The following DCC variants were observed in gnomAD, a reference collection of about 807,000 sequenced individuals.
DCC encodes the protein netrin receptor DCC.
Under a neutral mutation model 172.5 loss-of-function variants are expected in DCC, and 58 were observed. That is an observed-to-expected ratio of 0.34 (90% CI 0.27 to 0.42). DCC has a LOEUF of 0.42. DCC is among the 10% of genes least tolerant of loss of function. The pLI, the probability that DCC is intolerant of heterozygous loss-of-function variation, is 1.00. For synonymous variants in DCC, 709 were observed against 644.5 expected (o/e 1.10, Z -1.52); for missense variants, 1,740 against 1,791.0 (o/e 0.97, Z 0.51).
At chr18:52,974,561 G>A (rs796273404) in intron 5 of DCC, among the ~76,000 whole-genome samples, 1 of 152,178 alleles carries the variant, frequency 6.6e-6, no homozygotes, top group African/African-American at 2.4e-5. Flanking sequence ...TGCTTGAAAA[G>A]CCACAGGGTG....
chr18:53,479,117 C>G (rs1032454090), intron 25 of DCC, among the ~76,000 whole-genome samples: 6 of 152,058 alleles, frequency 3.9e-5, no homozygotes, highest in Admixed American at 3.3e-4. Flanking sequence ...AACAGCACAC[C>G]CATTTTCAAC....
chr18:52,995,027 C>A (rs1381790960), intron 5 of DCC, among the ~76,000 whole-genome samples: 1 of 152,076 alleles, frequency 6.6e-6, no homozygotes, highest in Non-Finnish European at 1.5e-5. Flanking sequence ...TATTAAACTC[C>A]TCTATGCAAA....
At chr18:53,215,728 C>G in intron 12 of DCC, 131 bp downstream of exon 12, 1 of 770,798 alleles carries the variant, frequency 1.3e-6, no homozygotes, top group East Asian at 2.5e-5. Context: ...TGGAACAACA[C>G]AGCAAGTGAC....
At chr18:52,703,789 A>G (rs2036164419) in intron 1 of DCC, among the ~76,000 whole-genome samples, 1 of 109,400 alleles carries the variant, frequency 9.1e-6, no homozygotes, top group African/African-American at 2.7e-5. Context: ...TAAAGGAAAC[A>G]AAGTTAAATG....
At chr18:53,526,577 G>A (rs766950475) in intron 27 of DCC, 40 bp from the exon 28 acceptor site, 3 of 1,607,524 alleles carry the variant, frequency 1.9e-6, no homozygotes, top group East Asian at 2.2e-5. Flanking sequence ...TCTGCAGAAT[G>A]TTTTCTACAT....
At chr18:52,380,851 G>C (rs928437911) in intron 1 of DCC, among the ~76,000 whole-genome samples, 2 of 152,182 alleles carry the variant, frequency 1.3e-5, no homozygotes, top group Admixed American at 6.5e-5. Context: ...TTGTAGCATG[G>C]GGACTCTGCA....
intron 21 of DCC, among the ~76,000 whole-genome samples, chr18:53,432,302 C>T (rs1320301796): frequency 6.6e-6 from 1 of 152,062 alleles, no homozygotes; most frequent in African/African-American, 2.4e-5. Context: ...TTACAATGAA[C>T]CAACTCTCCC....
chr18:53,313,409 C>T (rs900471928), intron 13 of DCC, among the ~76,000 whole-genome samples: 1 of 151,962 alleles, frequency 6.6e-6, no homozygotes, highest in African/African-American at 2.4e-5. Flanking sequence ...CCACGTCAGG[C>T]TAATTTTTGT....
chr18:52,522,121 G>T (rs1306412866), intron 1 of DCC, among the ~76,000 whole-genome samples: 2 of 152,156 alleles, frequency 1.3e-5, no homozygotes, highest in African/African-American at 4.8e-5. Context: ...GGCAATAATA[G>T]ATTAAGACAT....
At chr18:52,654,387 T>A (rs1165958010) in intron 1 of DCC, among the ~76,000 whole-genome samples, 1 of 152,160 alleles carries the variant, frequency 6.6e-6, no homozygotes, top group Non-Finnish European at 1.5e-5. Flanking sequence ...CCCTTATACC[T>A]GTATTCATTT....
intron 1 of DCC, among the ~76,000 whole-genome samples, chr18:52,663,419 A>T (rs925340544): frequency 1.3e-5 from 2 of 152,128 alleles, no homozygotes; most frequent in Admixed American, 1.3e-4. Flanking sequence ...TTTCGAGTGG[A>T]CTAGTAGTGG....
chr18:52,615,927 T>G (rs1266715772), intron 1 of DCC, among the ~76,000 whole-genome samples: 1 of 152,200 alleles, frequency 6.6e-6, no homozygotes, highest in African/African-American at 2.4e-5. Context: ...ACATATATGC[T>G]TATAATACAG....
chr18:52,641,598 C>G (rs1305634438), intron 1 of DCC, among the ~76,000 whole-genome samples: 1 of 126,920 alleles, frequency 7.9e-6, no homozygotes, highest in Non-Finnish European at 1.8e-5. Context: ...AAATGGCTAA[C>G]AAACATATGA....
intron 21 of DCC, among the ~76,000 whole-genome samples, chr18:53,427,980 A>T (rs1255904900): frequency 1.3e-5 from 1 of 77,504 alleles, no homozygotes; most frequent in South Asian, 3.4e-4. Flanking sequence ...ATATAATATA[A>T]TATAATATAT....
intron 9 of DCC, among the ~76,000 whole-genome samples, chr18:53,182,756 A>C (rs946523434): frequency 1.3e-5 from 2 of 152,132 alleles, no homozygotes; most frequent in Admixed American, 1.3e-4. Flanking sequence ...ATTACTGAAG[A>C]AGATGGAATA....
intron 12 of DCC, among the ~76,000 whole-genome samples, chr18:53,297,850 C>T (rs1043583130): frequency 6.6e-6 from 1 of 152,194 alleles, no homozygotes; most frequent in Admixed American, 6.5e-5. Flanking sequence ...TCTTTGTAAT[C>T]TGCTGACGCT....
At chr18:53,290,960 A>G (rs1414736470) in intron 12 of DCC, among the ~76,000 whole-genome samples, 1 of 152,146 alleles carries the variant, frequency 6.6e-6, no homozygotes, top group African/African-American at 2.4e-5. Flanking sequence ...CGAGGTCAGG[A>G]GTTCAAGAAT....
chr18:52,435,135 G>T (rs1262256774), intron 1 of DCC, among the ~76,000 whole-genome samples: 2 of 152,134 alleles, frequency 1.3e-5, no homozygotes, highest in Non-Finnish European at 2.9e-5. Flanking sequence ...AAAAATGCTG[G>T]TGCCTTTTCA....
At chr18:52,686,047 C>T (rs544799047) in intron 1 of DCC, among the ~76,000 whole-genome samples, 67 of 152,252 alleles carry the variant, frequency 4.4e-4, no homozygotes, top group Non-Finnish European at 7.4e-4. Context: ...GTGACCTACA[C>T]TCAGAGGGTC....
Sources: gnomAD v4.1 joint callset for allele counts (sites outside exome capture counted in the v4.1 genomes callset) on GRCh38, gnomAD v4.1.1 for gene constraint, MANE v1.5 for transcripts, NCBI Gene and HGNC (gene_info 2026-07-23, HGNC 2026-07-21) for gene names.